ENPP6: variants seen among roughly 807,000 people sequenced by gnomAD.
The protein encoded by ENPP6 is glycerophosphocholine cholinephosphodiesterase ENPP6.
A neutral mutation model predicts 42.0 loss-of-function variants in ENPP6; 32 were observed. The observed-to-expected ratio is 0.76, with a 90% CI of 0.58 to 1.02. The LOEUF (loss-of-function observed/expected upper bound fraction) is 1.02. Among genes scored for constraint, ENPP6 ranks in the 50% least tolerant of loss-of-function variants. The probability of loss-of-function intolerance (pLI) is 0.00; values close to 1 mark genes in which losing one functional copy is unlikely to be tolerated. For synonymous variants in ENPP6, 213 were observed against 216.0 expected, an observed-to-expected ratio of 0.99 and a Z score of 0.12; for missense variants, 552 against 566.8, an observed-to-expected ratio of 0.97 and a Z score of 0.27.
chr4:184,103,626 A>G lies in ENPP6; in HGVS notation c.994-6258T>C, dbSNP rs775407403. ...TTGCTGCTAGTGTGAAGGTCAAGAT[A>G]TGGTTTCTATTATAAACCACGCTTT... On this transcript the variant is annotated intron_variant, in intron 6 of 7. Coordinates refer to ENST00000296741, the MANE Select transcript of ENPP6 (RefSeq NM_153343.4). 2.0e-5 allele frequency among the ~76,000 whole-genome samples: 3 copies of G among 152,302 alleles called. No homozygotes were observed. The South Asian group carries it at 6.2e-4, about 32-fold the overall frequency.
chr4:184,149,693 TA>T, intron 2 of ENPP6, among the ~76,000 whole-genome samples: 1 of 152,198 alleles, frequency 6.6e-6, no homozygotes, highest in Non-Finnish European at 1.5e-5. Flanking sequence ...GATGTGAACT[TA>T]GAACTCCAAA....
At position 184,112,407 on chromosome 4, in the gene ENPP6, G is replaced by A. The variant is rs140707619; in HGVS notation, c.993+265C>T. On this transcript the variant is annotated intron_variant, in intron 6 of 7. Transcript: ENST00000296741. ...AGCGAACAGGTTACATTGTAAGCCG[G>A]GTAATCGAGTTAATGCCCGTTTGTT... Among the ~76,000 whole-genome samples the A allele has an allele frequency of 6.5e-4, 99 of 152,298 alleles. 1 individual carries two copies. The highest frequency in any genetic ancestry group is 2.2e-3 in the African/African-American group (93 of 41,562).
chr4:184,187,318 G>A (rs891774220), intron 1 of ENPP6, among the ~76,000 whole-genome samples: 2 of 152,230 alleles, frequency 1.3e-5, no homozygotes, highest in Non-Finnish European at 2.9e-5. Flanking sequence ...TGGCACCAAG[G>A]TGATGGACTT....
intron 1 of ENPP6, among the ~76,000 whole-genome samples, chr4:184,170,456 A>G (rs1175004731): frequency 2.0e-5 from 3 of 151,500 alleles, no homozygotes; most frequent in African/African-American, 7.3e-5. Flanking sequence ...AAAAAAAAAA[A>G]AAGAATCAGC....
chr4:184,132,818 TAC>T (rs1303118306), intron 2 of ENPP6, among the ~76,000 whole-genome samples: 54 of 137,282 alleles, frequency 3.9e-4, no homozygotes, highest in African/African-American at 1.4e-3. Flanking sequence ...TATACATATA[TAC>T]ACACACACAC....
intron 6 of ENPP6, among the ~76,000 whole-genome samples, chr4:184,099,728 G>A (rs1007189484): frequency 2.0e-5 from 3 of 152,166 alleles, no homozygotes; most frequent in Admixed American, 6.5e-5. Context: ...GCTGTGGTTC[G>A]TGTTTTTCCA....
At chr4:184,178,980 T>C (rs1047154655) in intron 1 of ENPP6, among the ~76,000 whole-genome samples, 3 of 152,042 alleles carry the variant, frequency 2.0e-5, no homozygotes, top group Non-Finnish European at 4.4e-5. Context: ...GTCTGCAAAA[T>C]AACCAGCTAG....
chr4:184,145,838 A>G (rs116377390), intron 2 of ENPP6, among the ~76,000 whole-genome samples: 201 of 152,312 alleles, frequency 1.3e-3, no homozygotes, highest in African/African-American at 4.7e-3. Context: ...GGAATTCCTT[A>G]CTGTAAACCC....
chr4:184,201,712 T>C (rs1432400831), intron 1 of ENPP6, among the ~76,000 whole-genome samples: 1 of 150,598 alleles, frequency 6.6e-6, no homozygotes, highest in Non-Finnish European at 1.5e-5. Flanking sequence ...CTGGGAGACA[T>C]TATTTTAGTA....
chr4:184,199,489 C>T (rs1293653859), intron 1 of ENPP6, among the ~76,000 whole-genome samples: 1 of 152,220 alleles, frequency 6.6e-6, no homozygotes. Flanking sequence ...CCTGTGAAAG[C>T]CAAATCCTTA....
chr4:184,171,854 C>T (rs1186262917), intron 1 of ENPP6, among the ~76,000 whole-genome samples: 1 of 151,802 alleles, frequency 6.6e-6, no homozygotes, highest in African/African-American at 2.4e-5. Flanking sequence ...GAGAAGAAGA[C>T]GGACAGAATC....
intron 1 of ENPP6, among the ~76,000 whole-genome samples, chr4:184,161,535 AC>A (rs1268263167): frequency 6.6e-6 from 1 of 152,242 alleles, no homozygotes; most frequent in African/African-American, 2.4e-5. Flanking sequence ...CTGGGTATCT[AC>A]CCAGAGGAAA....
intron 1 of ENPP6, among the ~76,000 whole-genome samples, chr4:184,177,563 T>G (rs1199639815): frequency 6.6e-6 from 1 of 152,196 alleles, no homozygotes; most frequent in East Asian, 1.9e-4. Context: ...CCTGAGCGGT[T>G]GAGACCTCCC....
chr4:184,209,644 CA>C (rs1170447806), intron 1 of ENPP6, among the ~76,000 whole-genome samples: 1 of 150,272 alleles, frequency 6.7e-6, no homozygotes, highest in African/African-American at 2.5e-5. Context: ...AGAATGGAAC[CA>C]AGTTGGAAAA....
intron 1 of ENPP6, among the ~76,000 whole-genome samples, chr4:184,200,031 A>G (rs1220760318): frequency 6.6e-6 from 1 of 152,218 alleles, no homozygotes; most frequent in East Asian, 1.9e-4. Context: ...ATATACACAT[A>G]TGCAATGGAC....
Position 184,217,693 on chromosome 4 carries a change from C to A in ENPP6, c.127G>T (p.Ala43Ser). The A allele has an allele frequency of 6.2e-7, 1 of 1,614,222 alleles. No individual in the cohort carries two copies. The highest frequency in any genetic ancestry group is 8.5e-7 in the Non-Finnish European group (1 of 1,180,048). The change falls in exon 1 of 8, where the codon GCG (alanine) becomes TCG (serine). Residue 43 changes from alanine (A) to serine (S), a missense_variant. Physicochemically the swap from Ala to Ser is moderately conservative, Grantham distance 99. This residue lies in a region of ENPP6 where 545 missense variants were observed against 546.3 expected (regional missense o/e 1.00). Coordinates refer to ENST00000296741, the MANE Select transcript of ENPP6 (RefSeq NM_153343.4). ...GFRSDYISDE[A>S]LESLPGFKEI... ...TTGAAACCAGGCAATGACTCCAGCG[C>A]CTCATCACTGATGTAGTCTGAGCGA...
intron 6 of ENPP6, 106 bp downstream of exon 6, chr4:184,112,566 A>C (rs2111341826): frequency 7.3e-7 from 1 of 1,369,124 alleles, no homozygotes; most frequent in East Asian, 2.4e-5. Flanking sequence ...ACGATGCCTA[A>C]GTGAAAAAAT....
At chr4:184,210,819 T>C (rs1415934659) in intron 1 of ENPP6, among the ~76,000 whole-genome samples, 3 of 152,130 alleles carry the variant, frequency 2.0e-5, no homozygotes, top group Admixed American at 6.6e-5. Flanking sequence ...TATTCCAAAA[T>C]TGACCACATA....
At chr4:184,092,135 C>T (rs893220393) in intron 7 of ENPP6, among the ~76,000 whole-genome samples, 1 of 151,972 alleles carries the variant, frequency 6.6e-6, no homozygotes, top group African/African-American at 2.4e-5. Context: ...AGAGTGCCAG[C>T]GTCTACTGCA....
Sources: gnomAD v4.1 joint callset for allele counts (sites outside exome capture counted in the v4.1 genomes callset) on GRCh38, gnomAD v4.1.1 for gene constraint, gnomAD v4.1.1 regional missense constraint, MANE v1.5 for transcripts, NCBI Gene and HGNC (gene_info 2026-07-23, HGNC 2026-07-21) for gene names.